THSD7B: variants seen among roughly 807,000 people sequenced by gnomAD.
The protein encoded by THSD7B is thrombospondin type 1 domain containing 7B.
THSD7B carries 138 observed loss-of-function variants against 213.6 expected under a neutral mutation model. The ratio of observed to expected loss-of-function variants is 0.65; its 90% CI spans 0.56 to 0.74. The LOEUF (loss-of-function observed/expected upper bound fraction) is 0.74, where lower values mean the gene tolerates loss of function less well. Among genes scored for constraint, THSD7B ranks in the 30% least tolerant of loss-of-function variants. The probability of loss-of-function intolerance (pLI) is 0.00; values close to 1 mark genes in which losing one functional copy is unlikely to be tolerated. For missense variants in THSD7B, 1,931 were observed against 1,991.5 expected, an observed-to-expected ratio of 0.97 and a Z score of 0.58; for synonymous variants, 742 against 687.0, an observed-to-expected ratio of 1.08 and a Z score of -1.25.
intron 21 of THSD7B, among the ~76,000 whole-genome samples, chr2:137,646,957 ATG>A (rs1683044733): frequency 6.6e-6 from 1 of 152,070 alleles, no homozygotes; most frequent in African/African-American, 2.4e-5. Flanking sequence ...TTGTGCCGGT[ATG>A]TCTTTGAGTC....
intron 9 of THSD7B, among the ~76,000 whole-genome samples, chr2:137,238,050 T>A (rs1224547710): frequency 6.6e-6 from 1 of 152,176 alleles, no homozygotes; most frequent in Non-Finnish European, 1.5e-5. Context: ...GGCCATATCA[T>A]GGAGAGTTCA....
At chr2:137,121,107 T>C (rs1032148557) in intron 5 of THSD7B, among the ~76,000 whole-genome samples, 2 of 152,204 alleles carry the variant, frequency 1.3e-5, no homozygotes, top group Admixed American at 1.3e-4. Flanking sequence ...TAGTGTGATA[T>C]AGGAAATGTT....
intron 17 of THSD7B, among the ~76,000 whole-genome samples, chr2:137,610,315 G>C (rs1251790547): frequency 2.6e-5 from 4 of 152,072 alleles, no homozygotes; most frequent in Admixed American, 6.6e-5. Context: ...GATGCTGCTG[G>C]TCCTGGGACC....
At chr2:137,238,579 C>T (rs1180271604) in intron 9 of THSD7B, among the ~76,000 whole-genome samples, 2 of 103,902 alleles carry the variant, frequency 1.9e-5, no homozygotes, top group Non-Finnish European at 3.5e-5. Flanking sequence ...CGGAGTCTCG[C>T]TCTGTCGCCC....
At chr2:137,472,567 A>G (rs949677725) in intron 15 of THSD7B, among the ~76,000 whole-genome samples, 2 of 152,222 alleles carry the variant, frequency 1.3e-5, no homozygotes, top group African/African-American at 4.8e-5. Flanking sequence ...AAAGAGCTGA[A>G]TTCTTATGTC....
intron 12 of THSD7B, among the ~76,000 whole-genome samples, chr2:137,402,684 T>C (rs755108720): frequency 4.6e-5 from 7 of 151,658 alleles, no homozygotes; most frequent in Non-Finnish European, 7.4e-5. Context: ...CCAGGCATGG[T>C]AGACAGTTGT....
chr2:137,256,955 A>G (rs1682324930), intron 10 of THSD7B, among the ~76,000 whole-genome samples: 2 of 152,164 alleles, frequency 1.3e-5, no homozygotes, highest in African/African-American at 4.8e-5. Flanking sequence ...GCATTTGGTG[A>G]GAGCCTTCTT....
At chr2:137,675,404 AT>A (rs1356485121) in intron 27 of THSD7B, among the ~76,000 whole-genome samples, 1 of 2,940 alleles carries the variant, frequency 3.4e-4, no homozygotes, top group Non-Finnish European at 6.4e-4. Context: ...AATGAATGCC[AT>A]ATATATATAT....
chr2:137,406,646 C>T (rs2105006363), intron 13 of THSD7B, among the ~76,000 whole-genome samples: 1 of 152,282 alleles, frequency 6.6e-6, no homozygotes, highest in East Asian at 1.9e-4. Flanking sequence ...TGTCTGAATG[C>T]ATTGCTTACC....
At chr2:136,913,302 G>A (rs1235887310) in intron 2 of THSD7B, among the ~76,000 whole-genome samples, 3 of 152,196 alleles carry the variant, frequency 2.0e-5, no homozygotes. Flanking sequence ...CTTGGGTACT[G>A]TTAAAGACAT....
chr2:137,393,701 G>T (rs1352177924), intron 12 of THSD7B, among the ~76,000 whole-genome samples: 1 of 140,906 alleles, frequency 7.1e-6, no homozygotes, highest in African/African-American at 2.6e-5. Context: ...GGGTCAAATG[G>T]TATTTCTAGC....
rs984669391 is a variant in THSD7B, at chr2:137,140,777, A to G, written c.1370-19436A>G. Among the ~76,000 whole-genome samples the G allele has an allele frequency of 9.9e-5, 15 of 152,280 alleles. No individual in the cohort carries two copies. The East Asian group carries it at 2.9e-3, about 29-fold the overall frequency. Reference sequence around the variant, plus strand: ...CAAAGCAGTAAGTCTTTTTAGTAGTATTTATGTTCTGATGGGAAGGGAGAT... The same window carrying G: ...CAAAGCAGTAAGTCTTTTTAGTAGTGTTTATGTTCTGATGGGAAGGGAGAT... On this transcript the variant is annotated intron_variant, in intron 5 of 27. Transcript: ENST00000409968.
At chr2:137,284,421 T>C (rs1452995783) in intron 12 of THSD7B, among the ~76,000 whole-genome samples, 4 of 152,166 alleles carry the variant, frequency 2.6e-5, no homozygotes, top group Non-Finnish European at 4.4e-5. Context: ...CTGATCTTAG[T>C]TATTTCTTGC....
intron 3 of THSD7B, among the ~76,000 whole-genome samples, chr2:137,080,197 T>TAA (rs1687716454): frequency 6.6e-6 from 1 of 151,148 alleles, no homozygotes; most frequent in African/African-American, 2.4e-5. Context: ...TATATATATA[T>TAA]AATTGTATTG....
At chr2:137,081,224 A>G (rs1687742039) in intron 3 of THSD7B, among the ~76,000 whole-genome samples, 1 of 152,078 alleles carries the variant, frequency 6.6e-6, no homozygotes, top group Non-Finnish European at 1.5e-5. Flanking sequence ...GTTCGTTTCA[A>G]TGTATAGATT....
At chr2:137,469,318 A>G (rs1029623210) in intron 15 of THSD7B, among the ~76,000 whole-genome samples, 1 of 152,204 alleles carries the variant, frequency 6.6e-6, no homozygotes, top group Admixed American at 6.6e-5. Context: ...ATAGTTTTGT[A>G]ATGTAAAAGT....
At chr2:137,003,938 G>A (rs76925199) in intron 2 of THSD7B, among the ~76,000 whole-genome samples, 8,082 of 152,014 alleles carry the variant, frequency 0.053, 295 homozygotes, top group East Asian at 0.12. Flanking sequence ...TTACTTTTTG[G>A]TGCTAAAAAT....
chr2:137,278,002 T>C (rs1409189093), intron 12 of THSD7B, among the ~76,000 whole-genome samples: 12 of 152,038 alleles, frequency 7.9e-5, no homozygotes, highest in Non-Finnish European at 7.4e-5. Context: ...AGAGAGGTTT[T>C]AGACTCTGGA....
chr2:137,663,354 T>C (rs377314006), intron 25 of THSD7B, 29 bp from the exon 26 acceptor site: 57 of 1,497,816 alleles, frequency 3.8e-5, no homozygotes, highest in Non-Finnish European at 4.8e-5. Flanking sequence ...ACTCACTGTG[T>C]AACCATAAAA....
Sources: gnomAD v4.1 joint callset for allele counts (sites outside exome capture counted in the v4.1 genomes callset) on GRCh38, gnomAD v4.1.1 for gene constraint, MANE v1.5 for transcripts, NCBI Gene and HGNC (gene_info 2026-07-23, HGNC 2026-07-21) for gene names.